The following FBXL7 variants were observed in gnomAD, a reference collection of about 807,000 sequenced individuals.
The protein encoded by FBXL7 is F-box/LRR-repeat protein 7.
FBXL7 carries 12 observed loss-of-function variants against 38.3 expected under a neutral mutation model. That is an observed-to-expected ratio of 0.31 (90% CI 0.20 to 0.51). FBXL7 has a LOEUF of 0.51. Among genes scored for constraint, FBXL7 ranks in the 20% least tolerant of loss-of-function variants. The probability of loss-of-function intolerance (pLI) is 0.98; values close to 1 mark genes in which losing one functional copy is unlikely to be tolerated. For missense variants in FBXL7, 567 were observed against 676.4 expected (o/e 0.84, Z 1.79); for synonymous variants, 297 against 300.9 (o/e 0.99, Z 0.13).
At chr5:15,587,251 T>C (rs1374205456) in intron 1 of FBXL7, among the ~76,000 whole-genome samples, 2 of 152,298 alleles carry the variant, frequency 1.3e-5, no homozygotes, top group East Asian at 3.9e-4. Context: ...GATGCTAAGA[T>C]CAGGGCCTTT....
intron 1 of FBXL7, among the ~76,000 whole-genome samples, chr5:15,547,082 C>T (rs1019783953): frequency 2.0e-5 from 3 of 152,130 alleles, no homozygotes; most frequent in African/African-American, 4.8e-5. Flanking sequence ...GTATGGATTT[C>T]GGAGATGTGA....
At chr5:15,577,842 C>T (rs1020198623) in intron 1 of FBXL7, among the ~76,000 whole-genome samples, 1 of 152,166 alleles carries the variant, frequency 6.6e-6, no homozygotes, top group African/African-American at 2.4e-5. Context: ...AAACCCCATA[C>T]ATTATAAAAA....
intron 2 of FBXL7, among the ~76,000 whole-genome samples, chr5:15,743,275 A>G (rs1217374045): frequency 6.6e-6 from 1 of 152,248 alleles, no homozygotes; most frequent in East Asian, 1.9e-4. Context: ...TGTAAAATCA[A>G]AAGCAAGTTA....
intron 2 of FBXL7, among the ~76,000 whole-genome samples, chr5:15,898,428 A>G (rs1277733457): frequency 6.6e-6 from 1 of 152,208 alleles, no homozygotes; most frequent in East Asian, 1.9e-4. Flanking sequence ...TGATTGATAG[A>G]CACATAACAT....
chr5:15,886,332 G>A (rs1740677895), intron 2 of FBXL7, among the ~76,000 whole-genome samples: 1 of 152,016 alleles, frequency 6.6e-6, no homozygotes, highest in African/African-American at 2.4e-5. Flanking sequence ...TTTACAGTGA[G>A]AACACAGGCA....
chr5:15,877,596 T>C (rs977176388), intron 2 of FBXL7, among the ~76,000 whole-genome samples: 2 of 152,144 alleles, frequency 1.3e-5, no homozygotes, highest in Non-Finnish European at 2.9e-5. Context: ...AAAATGATTA[T>C]GTGGAGCCAT....
At chr5:15,649,502 T>C (rs1741638401) in intron 2 of FBXL7, among the ~76,000 whole-genome samples, 1 of 152,022 alleles carries the variant, frequency 6.6e-6, no homozygotes, top group Admixed American at 6.6e-5. Flanking sequence ...TGCTGTGAGG[T>C]CCGCAGAGAA....
rs974579107 is a variant in FBXL7, at chr5:15,937,695, C to T, written c.*509C>T. 6.3e-6 allele frequency: 1 copy of T among 157,688 alleles called. No homozygotes were observed. Among genetic ancestry groups the T allele is most frequent in the Admixed American group, 6.0e-5 (1 of 16,586 alleles). 9.8% of individuals were successfully genotyped at this position (157,688 alleles called of 1,614,324 possible). On this transcript the variant is annotated 3_prime_UTR_variant, in exon 4 of 4. Transcript: ENST00000504595. ...CCACACCCATGGACATTCTTGTCAA[C>T]TCAATACCATAGCACTTTGCATAGG...
At chr5:15,506,204 T>A (rs1736643024) in intron 1 of FBXL7, among the ~76,000 whole-genome samples, 1 of 151,990 alleles carries the variant, frequency 6.6e-6, no homozygotes. Flanking sequence ...ATCATTCCTG[T>A]CACACTTTGG....
intron 2 of FBXL7, among the ~76,000 whole-genome samples, chr5:15,826,021 T>G (rs1579497173): frequency 6.6e-6 from 1 of 152,170 alleles, no homozygotes; most frequent in South Asian, 2.1e-4. Context: ...GAACTTAAAA[T>G]TATGAGATGG....
At chr5:15,927,599 C>G (rs934868125) in intron 2 of FBXL7, among the ~76,000 whole-genome samples, 2 of 151,788 alleles carry the variant, frequency 1.3e-5, no homozygotes, top group African/African-American at 4.8e-5. Context: ...TGGTAAAACC[C>G]CGTCTCTACT....
chr5:15,582,084 T>C (rs1295798232), intron 1 of FBXL7, among the ~76,000 whole-genome samples: 1 of 152,120 alleles, frequency 6.6e-6, no homozygotes, highest in Non-Finnish European at 1.5e-5. Context: ...ATTACAGGCA[T>C]GTGCCACCAT....
At chr5:15,697,356 CATATA>C (rs2126629285) in intron 2 of FBXL7, among the ~76,000 whole-genome samples, 1 of 152,080 alleles carries the variant, frequency 6.6e-6, no homozygotes, top group East Asian at 1.9e-4. Flanking sequence ...GACAGAGACT[CATATA>C]GGAAGAGTGA....
At chr5:15,897,459 ATATCT>A (rs1465855089) in intron 2 of FBXL7, among the ~76,000 whole-genome samples, 3 of 152,352 alleles carry the variant, frequency 2.0e-5, no homozygotes, top group South Asian at 2.1e-4. Flanking sequence ...TGAGGAACAA[ATATCT>A]TAATTAACAT....
chr5:15,887,345 G>C (rs1461959113), intron 2 of FBXL7, among the ~76,000 whole-genome samples: 1 of 152,176 alleles, frequency 6.6e-6, no homozygotes, highest in Non-Finnish European at 1.5e-5. Flanking sequence ...GGGAGAACGA[G>C]GGAGGAACAT....
chr5:15,601,298 G>A (rs1264761285), intron 1 of FBXL7, among the ~76,000 whole-genome samples: 2 of 152,108 alleles, frequency 1.3e-5, no homozygotes, highest in South Asian at 4.1e-4. Context: ...GGTGCAAATT[G>A]TAGTGATGTT....
At chr5:15,744,849 C>T (rs977475808) in intron 2 of FBXL7, among the ~76,000 whole-genome samples, 22 of 152,098 alleles carry the variant, frequency 1.4e-4, no homozygotes, top group African/African-American at 4.8e-4. Context: ...CCCTTCTTCA[C>T]GTGTCAGCAG....
chr5:15,623,982 T>G (rs1424111935), intron 2 of FBXL7, among the ~76,000 whole-genome samples: 1 of 152,202 alleles, frequency 6.6e-6, no homozygotes, highest in Non-Finnish European at 1.5e-5. Context: ...TACTTAATGC[T>G]TATTTTGTCA....
chr5:15,769,105 T>C (rs1048866482), intron 2 of FBXL7, among the ~76,000 whole-genome samples: 11 of 152,306 alleles, frequency 7.2e-5, no homozygotes, highest in Admixed American at 5.2e-4. Context: ...GATCCCTCAC[T>C]GCATTGTCCG....
Sources: gnomAD v4.1 joint callset for allele counts (sites outside exome capture counted in the v4.1 genomes callset) on GRCh38, gnomAD v4.1.1 for gene constraint, MANE v1.5 for transcripts, NCBI Gene and HGNC (gene_info 2026-07-23, HGNC 2026-07-21) for gene names.